Variants in NARS2 observed in about 807,000 individuals in gnomAD.
The protein encoded by NARS2 is asparaginyl-tRNA synthetase.
NARS2 carries 60 observed loss-of-function variants against 62.9 expected under a neutral mutation model. The ratio of observed to expected loss-of-function variants is 0.95; its 90% CI spans 0.77 to 1.18. The LOEUF (loss-of-function observed/expected upper bound fraction) is 1.18. Ranked by LOEUF, NARS2 falls within the 50% of genes most tolerant of loss-of-function variation. The pLI, the probability that NARS2 is intolerant of heterozygous loss-of-function variation, is 0.00. For missense variants in NARS2, 619 were observed against 576.4 expected (o/e 1.07, Z -0.76); for synonymous variants, 196 against 200.0 (o/e 0.98, Z 0.17).
At position 78,571,670 on chromosome 11, in the gene NARS2, C is replaced by T. The variant is rs1856929112; in HGVS notation, c.142-226G>A. On this transcript the variant is annotated intron_variant, in intron 1 of 13. Coordinates refer to ENST00000281038, the MANE Select transcript of NARS2 (RefSeq NM_024678.6). ...GTTTTCGTAATAATGCACAACATTT[C>T]GAATGGATGCCTAACATTCCTTCAT... 5 of 415,528 alleles carry T rather than the reference C, an allele frequency of 1.2e-5. No individual in the cohort carries two copies. In the South Asian group the frequency reaches 1.6e-4, roughly 13 times the overall value. 25.7% of individuals were successfully genotyped at this position (415,528 alleles called of 1,614,324 possible). A position where few individuals can be genotyped will look rare whatever the true frequency, so the allele number is the denominator to read the frequency against.
chr11:78,454,501 T>C (rs532000409), intron 11 of NARS2, among the ~76,000 whole-genome samples: 1 of 152,180 alleles, frequency 6.6e-6, no homozygotes, highest in Non-Finnish European at 1.5e-5. Flanking sequence ...TTTGCCTTTT[T>C]GTCATGAGTA....
intron 6 of NARS2, among the ~76,000 whole-genome samples, chr11:78,494,937 T>C (rs1043437401): frequency 6.6e-6 from 1 of 152,212 alleles, no homozygotes; most frequent in African/African-American, 2.4e-5. Flanking sequence ...ACATGGCCCT[T>C]ATCATTTTGA....
In NARS2 at chr11:78,488,504, G is replaced by C. The variant is rs199502812; in HGVS notation, c.822+4559C>G. Among the ~76,000 whole-genome samples the C allele has an allele frequency of 1.2e-4, 19 of 152,324 alleles. No homozygotes were observed. In the East Asian group the frequency reaches 3.1e-3, roughly 25 times the overall value. On this transcript the variant is annotated intron_variant, in intron 7 of 13. Coordinates refer to ENST00000281038, the MANE Select transcript of NARS2 (RefSeq NM_024678.6). ...AAGCCTCCAAGAGGAATGCAACTCT[G>C]CTGACACCTTTTAGCAGTGTTGGAT...
intron 5 of NARS2, among the ~76,000 whole-genome samples, chr11:78,532,678 A>C (rs1372568502): frequency 2.0e-5 from 3 of 152,222 alleles, no homozygotes; most frequent in African/African-American, 7.2e-5. Flanking sequence ...TGAAAGATTA[A>C]ATGGTGCCCC....
At position 78,508,796 on chromosome 11, in the gene NARS2, G is replaced by A. The variant is rs75024345; in HGVS notation, c.690-15601C>T. On this transcript the variant is annotated intron_variant, in intron 6 of 13. Coordinates refer to ENST00000281038, the MANE Select transcript of NARS2 (RefSeq NM_024678.6). ...ACAAAGAATCATGAAAGTAGGAAGA[G>A]AGAAGCAACTCATCTCATGTAAGGA... Among the ~76,000 whole-genome samples, 157 of 152,214 alleles carry A rather than the reference G, an allele frequency of 1.0e-3. 2 individuals carry two copies. The East Asian group carries it at 0.023, about 22-fold the overall frequency.
chr11:78,462,997 A>AGTTG (rs1858456372), intron 11 of NARS2, among the ~76,000 whole-genome samples: 1 of 152,254 alleles, frequency 6.6e-6, no homozygotes, highest in Non-Finnish European at 1.5e-5. Context: ...TATTACATAT[A>AGTTG]TAACTATTCA....
At chr11:78,496,684 C>T (rs1273373646) in intron 6 of NARS2, among the ~76,000 whole-genome samples, 1 of 152,050 alleles carries the variant, frequency 6.6e-6, no homozygotes, top group Admixed American at 6.6e-5. Context: ...GCTTGTTTTA[C>T]GTGTTAAAAT....
chr11:78,540,425 G>T (rs978827227), intron 5 of NARS2, among the ~76,000 whole-genome samples: 32 of 152,152 alleles, frequency 2.1e-4, no homozygotes, highest in African/African-American at 7.5e-4. Flanking sequence ...TATATAGCAA[G>T]GAGCGAGAGT....
chr11:78,557,402 T>C (rs907102350), intron 5 of NARS2, among the ~76,000 whole-genome samples: 3 of 152,150 alleles, frequency 2.0e-5, no homozygotes, highest in African/African-American at 7.2e-5. Flanking sequence ...AAGTGAAGTA[T>C]GTGAGGTGGG....
intron 12 of NARS2, among the ~76,000 whole-genome samples, chr11:78,441,521 G>A (rs1255705539): frequency 6.6e-6 from 1 of 152,046 alleles, no homozygotes; most frequent in Non-Finnish European, 1.5e-5. Flanking sequence ...GACAAGCCTG[G>A]CCAACATGGT....
intron 5 of NARS2, among the ~76,000 whole-genome samples, chr11:78,556,292 T>C (rs1856350440): frequency 6.6e-6 from 1 of 152,186 alleles, no homozygotes; most frequent in South Asian, 2.1e-4. Flanking sequence ...CTCATTTTCC[T>C]CTAGATTCCA....
At chr11:78,466,574 G>A (rs1591158417) in intron 10 of NARS2, among the ~76,000 whole-genome samples, 2 of 151,948 alleles carry the variant, frequency 1.3e-5, no homozygotes, top group South Asian at 2.1e-4. Context: ...TCTGTCTCCC[G>A]GGTTCAAGTG....
At chr11:78,554,897 T>C (rs1308750578) in intron 5 of NARS2, among the ~76,000 whole-genome samples, 1 of 152,222 alleles carries the variant, frequency 6.6e-6, no homozygotes, top group Admixed American at 6.5e-5. Flanking sequence ...ATGTTGGCTG[T>C]GGGTTTGTCA....
At chr11:78,479,491 CAG>C (rs1369687924) in intron 7 of NARS2, among the ~76,000 whole-genome samples, 1 of 152,124 alleles carries the variant, frequency 6.6e-6, no homozygotes, top group Non-Finnish European at 1.5e-5. Flanking sequence ...GCCTAGGTGA[CAG>C]AGTGAGATCC....
chr11:78,530,155 T>A (rs1269850599), intron 5 of NARS2, among the ~76,000 whole-genome samples: 1 of 152,142 alleles, frequency 6.6e-6, no homozygotes, highest in African/African-American at 2.4e-5. Flanking sequence ...GATGAATGCC[T>A]TTTTTATGAA....
At chr11:78,497,156 A>C (rs1860091887) in intron 6 of NARS2, among the ~76,000 whole-genome samples, 1 of 149,376 alleles carries the variant, frequency 6.7e-6, no homozygotes, top group Non-Finnish European at 1.5e-5. Flanking sequence ...CTTGGAGTTA[A>C]TGTTTAGTAT....
At chr11:78,444,058 T>C (rs1347050805) in intron 11 of NARS2, 1 of 183,946 alleles carries the variant, frequency 5.4e-6, no homozygotes, top group Non-Finnish European at 1.1e-5. Context: ...AATTACATTT[T>C]TGTGGATTTC....
intron 6 of NARS2, among the ~76,000 whole-genome samples, chr11:78,499,235 G>A (rs996797790): frequency 7.9e-5 from 12 of 152,070 alleles, no homozygotes; most frequent in African/African-American, 2.7e-4. Flanking sequence ...TCTTAATCTA[G>A]TGCCTAACAC....
At chr11:78,515,701 A>C (rs1251204044) in intron 6 of NARS2, among the ~76,000 whole-genome samples, 2 of 151,516 alleles carry the variant, frequency 1.3e-5, no homozygotes, top group Admixed American at 6.6e-5. Flanking sequence ...AAAAAAAAAC[A>C]AAACAATTTA....
Sources: allele counts gnomAD v4.1 joint callset (sites outside exome capture counted in the v4.1 genomes callset), GRCh38; gene constraint gnomAD v4.1.1; transcripts MANE v1.5; gene names NCBI Gene and HGNC (gene_info 2026-07-23, HGNC 2026-07-21).